The following SDK1 variants were observed in gnomAD, a reference collection of about 807,000 sequenced individuals.
SDK1 encodes the protein protein sidekick-1.
SDK1 carries 157 observed loss-of-function variants against 245.5 expected under a neutral mutation model. The observed-to-expected ratio is 0.64, with a 90% confidence interval of 0.56 to 0.73. SDK1 has a LOEUF of 0.73. Among genes scored for constraint, SDK1 ranks in the 30% least tolerant of loss-of-function variants. The pLI is 0.00. For synonymous variants in SDK1, 1,647 were observed against 1,278.5 expected (o/e 1.29, Z -6.15); for missense variants, 3,583 against 3,002.3 (o/e 1.19, Z -4.52).
intron 1 of SDK1, among the ~76,000 whole-genome samples, chr7:3,422,313 A>C (rs1042706896): frequency 2.0e-5 from 3 of 152,214 alleles, no homozygotes; most frequent in Admixed American, 6.5e-5. Context: ...TTTAGAAAAT[A>C]CTTAAGGCAT....
chr7:3,329,901 A>G (rs764933883), intron 1 of SDK1, among the ~76,000 whole-genome samples: 5 of 152,192 alleles, frequency 3.3e-5, no homozygotes, highest in Non-Finnish European at 5.9e-5. Context: ...TTAATATATG[A>G]GAGGGTGTGC....
At chr7:4,176,737 T>G (rs1473276593) in intron 34 of SDK1, among the ~76,000 whole-genome samples, 1 of 152,212 alleles carries the variant, frequency 6.6e-6, no homozygotes, top group Non-Finnish European at 1.5e-5. Flanking sequence ...AATCATGTAG[T>G]ATTTGTCTTT....
chr7:3,965,389 G>A lies in SDK1; in HGVS notation c.1430-1929G>A, dbSNP rs139555996. On this transcript the variant is annotated intron_variant, in intron 9 of 44. Coordinates refer to ENST00000404826, the MANE Select transcript of SDK1 (RefSeq NM_152744.4). ...TTCTCATGAGGGTCAGATTGGAAAT[G>A]TAAGTGAAAGTGCCACCTGCACTGT... Among the ~76,000 whole-genome samples, 390 of 152,310 alleles carry A rather than the reference G, an allele frequency of 2.6e-3. 1 individual carries two copies. The highest frequency in any genetic ancestry group is 9.1e-3 in the African/African-American group (377 of 41,576).
At chr7:3,881,724 C>T (rs1365758760) in intron 5 of SDK1, among the ~76,000 whole-genome samples, 2 of 152,148 alleles carry the variant, frequency 1.3e-5, no homozygotes, top group African/African-American at 4.8e-5. Flanking sequence ...ACATTCCCAT[C>T]AACAGGAAAA....
At chr7:3,965,850 G>A (rs552348150) in intron 9 of SDK1, among the ~76,000 whole-genome samples, 1 of 152,116 alleles carries the variant, frequency 6.6e-6, no homozygotes, top group East Asian at 1.9e-4. Context: ...GAACTCTTGG[G>A]GACATGCGCA....
chr7:3,332,676 G>C (rs4320450), intron 1 of SDK1, among the ~76,000 whole-genome samples: 91,654 of 152,048 alleles, frequency 0.6, 28,517 homozygotes, highest in African/African-American at 0.78. Context: ...GAGGCTAGAA[G>C]AACTTATAGG....
rs1783726078 is a variant in SDK1 at position 4,198,811 on chromosome 7, G to T, written c.5099-7068G>T. On this transcript the variant is annotated intron_variant, in intron 35 of 44. Coordinates refer to ENST00000404826, the MANE Select transcript of SDK1 (RefSeq NM_152744.4). Reference sequence around the variant, plus strand: ...CTTTCTTTTTCTTTCTTTTTTCTTTGCTTTTTTTTTTTTTTCCTTTGAGAC... The same window carrying T: ...CTTTCTTTTTCTTTCTTTTTTCTTTTCTTTTTTTTTTTTTTCCTTTGAGAC... Among the ~76,000 whole-genome samples, 3 of 132,160 alleles carry T rather than the reference G, an allele frequency of 2.3e-5. No individual in the cohort carries two copies. The South Asian group carries it at 7.6e-4, about 33-fold the overall frequency. The allele number at this position is 132,160 out of a possible 152,430, so 86.7% of individuals were successfully genotyped here.
chr7:4,116,013 C>T, intron 25 of SDK1, among the ~76,000 whole-genome samples: 1 of 152,056 alleles, frequency 6.6e-6, no homozygotes, highest in East Asian at 1.9e-4. Flanking sequence ...GTGGAGGTGG[C>T]TTTGGGGGGC....
intron 2 of SDK1, among the ~76,000 whole-genome samples, chr7:3,631,439 C>T (rs1336392898): frequency 6.6e-6 from 1 of 152,210 alleles, no homozygotes; most frequent in African/African-American, 2.4e-5. Flanking sequence ...CTTTCATTTT[C>T]CTAAACTTGG....
At chr7:3,668,356 C>G (rs1299151025) in intron 4 of SDK1, among the ~76,000 whole-genome samples, 2 of 152,182 alleles carry the variant, frequency 1.3e-5, no homozygotes, top group Non-Finnish European at 2.9e-5. Context: ...GAGAGTTCAT[C>G]AGAGTTAATG....
chr7:3,889,559 G>C (rs1441410133), intron 5 of SDK1, among the ~76,000 whole-genome samples: 1 of 152,054 alleles, frequency 6.6e-6, no homozygotes, highest in African/African-American at 2.4e-5. Context: ...CCAGGCTGGA[G>C]TGCAGAGGAG....
rs568631978 is a variant in SDK1, at chr7:3,463,267, C to CTTTTTG, written c.299-155795_299-155790dup. Among the ~76,000 whole-genome samples, 6 of 152,128 alleles carry CTTTTTG rather than the reference C, an allele frequency of 3.9e-5. No individual in the cohort carries two copies. The South Asian group carries it at 1.0e-3, about 26-fold the overall frequency. On this transcript the variant is annotated intron_variant, in intron 1 of 44. Transcript: ENST00000404826. ...TCAGTAACCATGATAGCAAGAATATCTTTTTGTTTTTGTTTTTGTTTTTTC... is the reference window on the plus strand; with the variant it reads ...TCAGTAACCATGATAGCAAGAATATCTTTTTGTTTTTGTTTTTGTTTTTGTTTTTTC...
At chr7:3,731,027 C>G (rs969063986) in intron 4 of SDK1, among the ~76,000 whole-genome samples, 2 of 152,162 alleles carry the variant, frequency 1.3e-5, no homozygotes, top group African/African-American at 4.8e-5. Context: ...TTAGCTGTTG[C>G]TGTGTAACAA....
At chr7:3,419,508 G>T (rs140601189) in intron 1 of SDK1, among the ~76,000 whole-genome samples, 1 of 152,130 alleles carries the variant, frequency 6.6e-6, no homozygotes, top group African/African-American at 2.4e-5. Flanking sequence ...AGGTCCGCAG[G>T]GGGTTGCTGT....
In SDK1 at chr7:3,464,698, G is replaced by GTGTATATATA. The variant is rs1554275277; in HGVS notation, c.299-154381_299-154380insGTATATATAT. Among the ~76,000 whole-genome samples, 121 of 148,106 alleles carry GTGTATATATA rather than the reference G, an allele frequency of 8.2e-4. 1 individual carries two copies. Among genetic ancestry groups the GTGTATATATA allele is most frequent in the African/African-American group, 3.0e-3 (117 of 39,384 alleles). On this transcript the variant is annotated intron_variant, in intron 1 of 44. Transcript: ENST00000404826. ...TTATTCCCGTTCATTGTGTATGTATGTATATATATATATATATACACACAC... is the reference window on the plus strand; with the variant it reads ...TTATTCCCGTTCATTGTGTATGTATGTGTATATATATATATATATATATATATACACACAC...
At chr7:3,716,301 A>C (rs375281803) in intron 4 of SDK1, among the ~76,000 whole-genome samples, 22 of 152,306 alleles carry the variant, frequency 1.4e-4, no homozygotes, top group African/African-American at 5.3e-4. Flanking sequence ...CAGATTCAAG[A>C]AGCTGAATGA....
intron 1 of SDK1, among the ~76,000 whole-genome samples, chr7:3,545,658 G>A (rs1460943973): frequency 6.6e-6 from 1 of 152,150 alleles, no homozygotes; most frequent in African/African-American, 2.4e-5. Flanking sequence ...GTGCCCATGT[G>A]CCTGCCATCC....
chr7:3,430,416 C>G (rs1285935616), intron 1 of SDK1, among the ~76,000 whole-genome samples: 1 of 152,148 alleles, frequency 6.6e-6, no homozygotes, highest in Non-Finnish European at 1.5e-5. Context: ...CCTAAGGGAC[C>G]ATGGACTGGA....
At chr7:3,485,679 G>C (rs571766261) in intron 1 of SDK1, among the ~76,000 whole-genome samples, 1 of 39,488 alleles carries the variant, frequency 2.5e-5, no homozygotes, top group Non-Finnish European at 5.4e-5. Flanking sequence ...ATGATCTTTG[G>C]AGGGTTTTTT....
Sources: gnomAD v4.1 joint callset for allele counts (sites outside exome capture counted in the v4.1 genomes callset) on GRCh38, gnomAD v4.1.1 for gene constraint, MANE v1.5 for transcripts, NCBI Gene and HGNC (gene_info 2026-07-23, HGNC 2026-07-21) for gene names.